The following CCDC171 variants were observed in gnomAD, a reference collection of about 807,000 sequenced individuals.
The protein encoded by CCDC171 is coiled-coil domain containing 171, also known as coiled-coil domain-containing protein 171.
CCDC171 carries 177 observed loss-of-function variants against 168.2 expected under a neutral mutation model. The observed-to-expected ratio is 1.05, with a 90% CI of 0.93 to 1.19. CCDC171 has a LOEUF of 1.19. Ranked by LOEUF, CCDC171 falls within the 50% of genes most tolerant of loss-of-function variation. The probability of loss-of-function intolerance (pLI) is 0.00; values close to 1 mark genes in which losing one functional copy is unlikely to be tolerated. For synonymous variants in CCDC171, 687 were observed against 540.8 expected (o/e 1.27, Z -3.75); for missense variants, 1,991 against 1,539.0 (o/e 1.29, Z -4.91).
intron 6 of CCDC171, among the ~76,000 whole-genome samples, chr9:15,615,268 A>T (rs2043998090): frequency 6.6e-6 from 1 of 152,164 alleles, no homozygotes; most frequent in Non-Finnish European, 1.5e-5. Context: ...ATGTAATATA[A>T]CTTTTCTTCA....
chr9:15,737,598 G>A (rs374730512), intron 16 of CCDC171, among the ~76,000 whole-genome samples: 93 of 152,182 alleles, frequency 6.1e-4, no homozygotes, highest in African/African-American at 2.0e-3. Flanking sequence ...CCAGTCTTCC[G>A]ATAAAAAGAA....
rs568992192 is a variant in CCDC171, at chr9:15,790,156, A to T, written c.3267+5462A>T. On this transcript the variant is annotated intron_variant, in intron 21 of 25. Transcript: ENST00000380701. ...GGTCAAATGATATTTCTTGTTCTAG[A>T]TACTTGAGGAATTGCCGCATTGTCT... 4.5e-4 allele frequency among the ~76,000 whole-genome samples: 68 copies of T among 152,244 alleles called. 1 individual carries two copies. The South Asian group carries it at 0.013, about 30-fold the overall frequency.
chr9:15,667,380 T>G (rs977406996), intron 9 of CCDC171, among the ~76,000 whole-genome samples: 6 of 152,174 alleles, frequency 3.9e-5, no homozygotes, highest in Admixed American at 3.9e-4. Context: ...GCACGGTGGC[T>G]TACACCTGTA....
intron 12 of CCDC171, 54 bp downstream of exon 12, chr9:15,721,929 C>A: frequency 3.6e-6 from 3 of 835,778 alleles, no homozygotes; most frequent in Non-Finnish European, 5.2e-6. Flanking sequence ...TGTACCAGTA[C>A]GTATTCCTTG....
chr9:15,964,155 G>T (rs184884689), intron 25 of CCDC171, among the ~76,000 whole-genome samples: 1 of 152,122 alleles, frequency 6.6e-6, no homozygotes. Context: ...TTTTATTTAA[G>T]CCAATGACAT....
rs541123941 is a variant in CCDC171, at chr9:16,012,871, G to A, written n.369-7718G>A. Among the ~76,000 whole-genome samples, 130 of 152,214 alleles carry A rather than the reference G, an allele frequency of 8.5e-4. No homozygotes were observed. In the South Asian group the frequency reaches 0.012, roughly 14 times the overall value. On this transcript the variant is annotated intron_variant and non_coding_transcript_variant, in intron 3 of 9. Coordinates refer to the CCDC171 transcript ENST00000486641. Reference sequence around the variant, plus strand: ...GAGGGTGGACTGGCTGAATTTACAGGCAGAGAGCCCACCAGCATCTTGGGA... The same window carrying A: ...GAGGGTGGACTGGCTGAATTTACAGACAGAGAGCCCACCAGCATCTTGGGA...
chr9:15,794,387 C>T (rs4741542), intron 21 of CCDC171, among the ~76,000 whole-genome samples: 67,513 of 151,524 alleles, frequency 0.45, 15,396 homozygotes, highest in East Asian at 0.65. Flanking sequence ...ATCACTTGAA[C>T]CCGGGAGGCA....
intron 6 of CCDC171, among the ~76,000 whole-genome samples, chr9:15,618,321 G>A (rs1564061790): frequency 6.6e-6 from 1 of 152,190 alleles, no homozygotes; most frequent in Non-Finnish European, 1.5e-5. Context: ...AGCACTATCA[G>A]GAGAAAACCA....
At chr9:15,624,350 C>T (rs564326279) in intron 7 of CCDC171, among the ~76,000 whole-genome samples, 4 of 152,168 alleles carry the variant, frequency 2.6e-5, no homozygotes, top group East Asian at 3.9e-4. Context: ...TTCTAGGGTA[C>T]ATGTGCACAA....
intron 20 of CCDC171, among the ~76,000 whole-genome samples, 188 bp downstream of exon 20, chr9:15,779,338 G>C (rs13287834): frequency 1.3e-5 from 2 of 151,808 alleles, no homozygotes; most frequent in Non-Finnish European, 2.9e-5. Flanking sequence ...GGTGGCAGGC[G>C]GGGGAGTGGG....
intron 6 of CCDC171, among the ~76,000 whole-genome samples, chr9:16,030,862 A>AT (rs1833354896): frequency 6.6e-6 from 1 of 152,132 alleles, no homozygotes. Flanking sequence ...GAACGCAGAT[A>AT]TTTTTTTCAA....
chr9:15,746,386 C>T (rs1176161180), intron 18 of CCDC171, among the ~76,000 whole-genome samples: 1 of 152,108 alleles, frequency 6.6e-6, no homozygotes, highest in Non-Finnish European at 1.5e-5. Flanking sequence ...ATATCTAAAC[C>T]TAGACTTTTG....
chr9:15,876,537 A>T (rs1403740260), intron 24 of CCDC171, among the ~76,000 whole-genome samples: 1 of 152,164 alleles, frequency 6.6e-6, no homozygotes, highest in Admixed American at 6.6e-5. Flanking sequence ...GTCTAATAGT[A>T]TTTGACTGCT....
At chr9:15,679,152 C>T (rs1331320460) in intron 10 of CCDC171, among the ~76,000 whole-genome samples, 9 of 151,824 alleles carry the variant, frequency 5.9e-5, no homozygotes, top group African/African-American at 2.2e-4. Context: ...AAAATGTATT[C>T]AAATGTTTTT....
chr9:15,706,926 C>T (rs1184505504), intron 11 of CCDC171, among the ~76,000 whole-genome samples: 1 of 152,222 alleles, frequency 6.6e-6, no homozygotes, highest in African/African-American at 2.4e-5. Context: ...TCAGGGAGTG[C>T]TCTTGGGAAA....
At chr9:16,024,177 A>G (rs944640145) in intron 6 of CCDC171, among the ~76,000 whole-genome samples, 5 of 152,166 alleles carry the variant, frequency 3.3e-5, no homozygotes, top group Admixed American at 6.5e-5. Context: ...TTTTAGCCTT[A>G]TAAGACTTAT....
At chr9:15,890,531 G>GTTTT (rs58256366) in intron 24 of CCDC171, among the ~76,000 whole-genome samples, 18,008 of 144,552 alleles carry the variant, frequency 0.12, 1,097 homozygotes, top group Non-Finnish European at 0.14. Context: ...GATTGGTAAG[G>GTTTT]TTTTTTTTTT....
intron 24 of CCDC171, among the ~76,000 whole-genome samples, chr9:15,919,636 C>G (rs780315517): frequency 2.0e-4 from 30 of 151,562 alleles, no homozygotes; most frequent in Non-Finnish European, 4.0e-4. Context: ...AACTGTGATA[C>G]AATAATTCCC....
chr9:15,650,345 A>G (rs1327802001), intron 7 of CCDC171, among the ~76,000 whole-genome samples: 1 of 152,294 alleles, frequency 6.6e-6, no homozygotes, highest in South Asian at 2.1e-4. Flanking sequence ...ACGTGTATAC[A>G]TATGTAACAA....
Sources: allele counts gnomAD v4.1 joint callset (sites outside exome capture counted in the v4.1 genomes callset), GRCh38; gene constraint gnomAD v4.1.1; transcripts MANE v1.5; gene names NCBI Gene and HGNC (gene_info 2026-07-23, HGNC 2026-07-21).